Variants in EXT2 observed in about 807,000 individuals in gnomAD.
EXT2 encodes exostosin-2.
In EXT2, 53 loss-of-function variants were observed where a neutral mutation model predicts 81.6. The ratio of observed to expected loss-of-function variants is 0.65; its 90% CI spans 0.52 to 0.82. The LOEUF (loss-of-function observed/expected upper bound fraction) is 0.82. Among genes scored for constraint, EXT2 ranks in the 40% least tolerant of loss-of-function variants. The probability of loss-of-function intolerance (pLI) is 0.00; values close to 1 mark genes in which losing one functional copy is unlikely to be tolerated. For synonymous variants in EXT2, 320 were observed against 340.0 expected (o/e 0.94, Z 0.65); for missense variants, 774 against 910.2 (o/e 0.85, Z 1.93).
intron 7 of EXT2, among the ~76,000 whole-genome samples, chr11:44,155,148 G>T (rs974575897): frequency 1.3e-5 from 2 of 151,926 alleles, no homozygotes; most frequent in Non-Finnish European, 2.9e-5. Context: ...CTGTGCTTTG[G>T]GGGTATTACT....
rs572473328 is a variant in EXT2 at position 44,214,164 on chromosome 11, A to AGTGT, written c.1662+7208_1662+7209insTGTG. On this transcript the variant is annotated intron_variant, in intron 10 of 13. Coordinates refer to ENST00000533608, the MANE Select transcript of EXT2 (RefSeq NM_207122.2). The stretch of plus-strand genomic sequence containing the variant: ...GGAGTCTCTCTGTCGCCCAGGCTGT[A>AGTGT]GTGCAGTGGCGCAATCTCGGCTCAC... Among the ~76,000 whole-genome samples, 764 of 151,826 alleles carry AGTGT rather than the reference A, an allele frequency of 5.0e-3. 8 individuals are homozygous for AGTGT. Among genetic ancestry groups the AGTGT allele is most frequent in the East Asian group, 0.043 (220 of 5,144 alleles).
chr11:44,178,059 G>T (rs1370797036), intron 8 of EXT2, among the ~76,000 whole-genome samples: 7 of 152,194 alleles, frequency 4.6e-5, no homozygotes, highest in Non-Finnish European at 1.0e-4. Flanking sequence ...GAAAGGGCAA[G>T]GGATCAGCCA....
chr11:44,161,352 G>GCCC (rs1954924917), intron 7 of EXT2, among the ~76,000 whole-genome samples: 2 of 152,050 alleles, frequency 1.3e-5, no homozygotes, highest in Non-Finnish European at 2.9e-5. Flanking sequence ...TTGTAAGCCA[G>GCCC]GATCAATGGC....
chr11:44,237,248 T>C (rs1955976215), intron 13 of EXT2, among the ~76,000 whole-genome samples: 1 of 152,024 alleles, frequency 6.6e-6, no homozygotes, highest in Non-Finnish European at 1.5e-5. Flanking sequence ...CTGTCAGCTA[T>C]ATTAGAATTC....
chr11:44,156,280 GA>G (rs2081573561), intron 7 of EXT2, among the ~76,000 whole-genome samples: 1 of 152,050 alleles, frequency 6.6e-6, no homozygotes, highest in Admixed American at 6.6e-5. Flanking sequence ...TGCAGGTTTG[GA>G]AAGTTCTCTA....
chr11:44,115,810 A>G (rs996005054), intron 4 of EXT2: 1 of 152,150 alleles, frequency 6.6e-6, no homozygotes, highest in Non-Finnish European at 1.5e-5. Context: ...AAATTCTGAA[A>G]CTTACATTAG....
At chr11:44,168,672 G>A (rs1471400238) in intron 7 of EXT2, among the ~76,000 whole-genome samples, 1 of 152,210 alleles carries the variant, frequency 6.6e-6, no homozygotes, top group Non-Finnish European at 1.5e-5. Flanking sequence ...GATGAAGCCA[G>A]AACACAGTAG....
chr11:44,112,334 T>G (rs559956499), intron 3 of EXT2, among the ~76,000 whole-genome samples: 2 of 152,236 alleles, frequency 1.3e-5, no homozygotes, highest in Non-Finnish European at 2.9e-5. Context: ...CTCCAGTGAT[T>G]ATAATACTTG....
chr11:44,235,479 C>T (rs964641298), intron 12 of EXT2, among the ~76,000 whole-genome samples: 1 of 151,972 alleles, frequency 6.6e-6, no homozygotes, highest in African/African-American at 2.4e-5. Flanking sequence ...CTCCTGAGCT[C>T]AGGCAGTCCA....
intron 8 of EXT2, among the ~76,000 whole-genome samples, chr11:44,173,907 A>G (rs1201514983): frequency 6.6e-6 from 1 of 152,078 alleles, no homozygotes; most frequent in Non-Finnish European, 1.5e-5. Flanking sequence ...GCATACTTTC[A>G]TATGTTTACA....
chr11:44,236,822 A>T (rs1322312036), intron 13 of EXT2, among the ~76,000 whole-genome samples: 1 of 152,212 alleles, frequency 6.6e-6, no homozygotes, highest in African/African-American at 2.4e-5. Context: ...CAAGAACAGG[A>T]TCGAAAGCAA....
chr11:44,107,642 C>T (rs1241002587), intron 1 of EXT2, 41 bp from the exon 2 acceptor site: 5 of 1,569,438 alleles, frequency 3.2e-6, no homozygotes, highest in Non-Finnish European at 3.5e-6. Context: ...ATTTGCCATC[C>T]TAAATACTTG....
At chr11:44,188,390 AAAG>A (rs1955345910) in intron 8 of EXT2, among the ~76,000 whole-genome samples, 1 of 152,248 alleles carries the variant, frequency 6.6e-6, no homozygotes, top group African/African-American at 2.4e-5. Context: ...GTGAAAGAGT[AAAG>A]AAGGAGTAAA....
In EXT2 at chr11:44,251,861, A is replaced by G. The variant is rs974810203; in HGVS notation, c.*7574A>G. Among the ~76,000 whole-genome samples the G allele has an allele frequency of 4.6e-5, 7 of 152,270 alleles. No homozygotes were observed. The highest frequency in any genetic ancestry group is 9.6e-5 in the African/African-American group (4 of 41,476). ...TGAGGATATGGCACTGAACAAAACA[A>G]TGTACCTACTTTCGTCAAGCTTACA... On this transcript the variant is annotated 3_prime_UTR_variant, in exon 14 of 14. Coordinates refer to ENST00000533608, the MANE Select transcript of EXT2 (RefSeq NM_207122.2).
At chr11:44,111,786 A>G (rs1309846545) in intron 3 of EXT2, among the ~76,000 whole-genome samples, 1 of 152,224 alleles carries the variant, frequency 6.6e-6, no homozygotes, top group East Asian at 1.9e-4. Flanking sequence ...TAGATTATCT[A>G]GAAACAAATG....
rs1223886558 is a variant in EXT2 at position 44,249,895 on chromosome 11, C to T, written c.*5608C>T. ...ACCCTCCTGGCTAACACGGTGAAAC[C>T]CCATCTCTACTAAAAATACAAAGAA... On this transcript the variant is annotated 3_prime_UTR_variant, in exon 14 of 14. Transcript: ENST00000533608. Among the ~76,000 whole-genome samples the T allele has an allele frequency of 6.6e-6, 1 of 152,078 alleles. No individual in the cohort carries two copies. Among genetic ancestry groups the T allele is most frequent in the African/African-American group, 2.4e-5 (1 of 41,402 alleles).
intron 6 of EXT2, 25 bp downstream of exon 6, chr11:44,126,980 C>CTACATT: frequency 3.1e-6 from 5 of 1,613,656 alleles, no homozygotes; most frequent in Non-Finnish European, 4.2e-6. Context: ...CTAGTAAACT[C>CTACATT]TACATTAGTG....
chr11:44,224,408 T>A (rs1178039622), intron 10 of EXT2, among the ~76,000 whole-genome samples: 1 of 151,986 alleles, frequency 6.6e-6, no homozygotes, highest in Non-Finnish European at 1.5e-5. Flanking sequence ...ATATATGTGT[T>A]TATATTTATA....
chr11:44,126,346 A>G (rs1954403958), intron 5 of EXT2, among the ~76,000 whole-genome samples: 1 of 152,246 alleles, frequency 6.6e-6, no homozygotes, highest in African/African-American at 2.4e-5. Context: ...TAGAAACATG[A>G]AAAGAGATTT....
Sources: allele counts gnomAD v4.1 joint callset (sites outside exome capture counted in the v4.1 genomes callset), GRCh38; gene constraint gnomAD v4.1.1; transcripts MANE v1.5; gene names NCBI Gene and HGNC (gene_info 2026-07-23, HGNC 2026-07-21).